AUTS2: variants seen among roughly 807,000 people sequenced by gnomAD.
AUTS2 encodes the protein activator of transcription and developmental regulator AUTS2, also known as autism susceptibility gene 2 protein.
Under a neutral mutation model 112.4 loss-of-function variants are expected in AUTS2, and 17 were observed. The ratio of observed to expected loss-of-function variants is 0.15; its 90% confidence interval spans 0.10 to 0.23. AUTS2 has a LOEUF of 0.23. AUTS2 is among the 10% of genes least tolerant of loss of function. The pLI is 1.00. For synonymous variants in AUTS2, 751 were observed against 702.7 expected (o/e 1.07, Z -1.09); for missense variants, 1,510 against 1,701.6 (o/e 0.89, Z 1.98).
At chr7:70,767,390 G>GAATT (rs1790010352) in intron 9 of AUTS2, among the ~76,000 whole-genome samples, 1 of 152,134 alleles carries the variant, frequency 6.6e-6, no homozygotes, top group Non-Finnish European at 1.5e-5. Flanking sequence ...TTTTTTGGAT[G>GAATT]AATTATACTT....
chr7:70,456,941 C>T (rs962596846), intron 5 of AUTS2, among the ~76,000 whole-genome samples: 1 of 152,208 alleles, frequency 6.6e-6, no homozygotes, highest in Admixed American at 6.5e-5. Flanking sequence ...TTTGGGGCAG[C>T]GGCTGCCGGA....
intron 4 of AUTS2, among the ~76,000 whole-genome samples, chr7:70,277,129 T>C (rs1184050884): frequency 6.6e-6 from 1 of 152,216 alleles, no homozygotes; most frequent in Non-Finnish European, 1.5e-5. Flanking sequence ...AGTTTGTATT[T>C]GGAGTTTGAT....
At position 70,211,604 on chromosome 7, in the gene AUTS2, G is replaced by A. The variant is rs561454202; in HGVS notation, c.660+77033G>A. On this transcript the variant is annotated intron_variant, in intron 4 of 18. Coordinates refer to ENST00000342771, the MANE Select transcript of AUTS2 (RefSeq NM_015570.4). ...GCGGAGGTTGCAGTGAGCCGAGATC[G>A]CGCCACTGCACTCCAGCCTGGGTGA... Among the ~76,000 whole-genome samples the A allele has an allele frequency of 7.5e-4, 108 of 144,406 alleles. No individual in the cohort carries two copies. The Middle Eastern group carries it at 0.018, about 24-fold the overall frequency. 94.7% of individuals were successfully genotyped at this position (144,406 alleles called of 152,430 possible). A position where few individuals can be genotyped will look rare whatever the true frequency, so the allele number is the denominator to read the frequency against.
intron 5 of AUTS2, among the ~76,000 whole-genome samples, chr7:70,619,038 C>T (rs1247417851): frequency 6.6e-6 from 1 of 152,098 alleles, no homozygotes; most frequent in Non-Finnish European, 1.5e-5. Flanking sequence ...TTGGGACACA[C>T]CCTGTTTTCA....
chr7:70,307,332 G>C (rs971918651), intron 4 of AUTS2, among the ~76,000 whole-genome samples: 1 of 152,190 alleles, frequency 6.6e-6, no homozygotes, highest in African/African-American at 2.4e-5. Context: ...CACCTGAAGT[G>C]CAAGCATCCA....
chr7:70,676,521 G>C (rs1427371008), intron 5 of AUTS2, among the ~76,000 whole-genome samples: 1 of 152,196 alleles, frequency 6.6e-6, no homozygotes, highest in Non-Finnish European at 1.5e-5. Flanking sequence ...CTGAGGGGTG[G>C]AGTGTCCTGT....
intron 6 of AUTS2, among the ~76,000 whole-genome samples, chr7:70,710,071 G>A (rs1809966414): frequency 6.6e-6 from 1 of 152,112 alleles, no homozygotes; most frequent in African/African-American, 2.4e-5. Flanking sequence ...CTGCTTGCCT[G>A]CATCTTGGGT....
intron 2 of AUTS2, among the ~76,000 whole-genome samples, chr7:70,112,050 A>G (rs1805114943): frequency 6.6e-6 from 1 of 151,524 alleles, no homozygotes; most frequent in Non-Finnish European, 1.5e-5. Context: ...TTTTTTGTTC[A>G]TTTCAATCTT....
chr7:69,764,222 A>G (rs1188738411), intron 1 of AUTS2, among the ~76,000 whole-genome samples: 1 of 152,172 alleles, frequency 6.6e-6, no homozygotes, highest in African/African-American at 2.4e-5. Flanking sequence ...GGCCAGGTGA[A>G]TACTGGACAG....
intron 4 of AUTS2, among the ~76,000 whole-genome samples, chr7:70,238,201 C>T (rs769648390): frequency 2.0e-5 from 3 of 152,264 alleles, no homozygotes; most frequent in East Asian, 1.9e-4. Context: ...TCGAGTGCTG[C>T]TTGCTGTCTT....
intron 2 of AUTS2, among the ~76,000 whole-genome samples, chr7:70,099,055 T>C (rs17141191): frequency 0.08 from 12,160 of 152,162 alleles, 625 homozygotes; most frequent in African/African-American, 0.13. Flanking sequence ...TGTCATACAT[T>C]GTTGGTCCTT....
intron 5 of AUTS2, among the ~76,000 whole-genome samples, chr7:70,484,133 C>T (rs1797894423): frequency 6.6e-6 from 1 of 152,220 alleles, no homozygotes; most frequent in African/African-American, 2.4e-5. Flanking sequence ...TTATTAATTT[C>T]ATTTTAGAAG....
intron 2 of AUTS2, among the ~76,000 whole-genome samples, chr7:70,060,953 T>G (rs1030819277): frequency 2.0e-5 from 3 of 152,200 alleles, no homozygotes; most frequent in African/African-American, 7.2e-5. Flanking sequence ...ACCAGCTTTT[T>G]CTGTTTCTCT....
intron 1 of AUTS2, among the ~76,000 whole-genome samples, chr7:69,617,702 C>T (rs909398131): frequency 6.6e-6 from 1 of 152,152 alleles, no homozygotes; most frequent in South Asian, 2.1e-4. Context: ...CTGGAGCTCA[C>T]GTTATATTCT....
rs61590771 is a variant in AUTS2 at position 70,632,996 on chromosome 7, GAA to G, written c.691-65564_691-65563del. 5.5e-3 allele frequency among the ~76,000 whole-genome samples: 822 copies of G among 149,640 alleles called. 9 individuals are homozygous for G. Among genetic ancestry groups the G allele is most frequent in the African/African-American group, 0.019 (790 of 41,016 alleles). Reference sequence around the variant, plus strand: ...TAGGCAAAGCCCTCTACCTTGGGGGGAAAAAAAAAAGTTGGTCTGGAGGATAA... The same window carrying G: ...TAGGCAAAGCCCTCTACCTTGGGGGGAAAAAAAAGTTGGTCTGGAGGATAA... On this transcript the variant is annotated intron_variant, in intron 5 of 18. Transcript: ENST00000342771.
At chr7:70,245,248 C>CA in intron 4 of AUTS2, among the ~76,000 whole-genome samples, 1 of 151,020 alleles carries the variant, frequency 6.6e-6, no homozygotes, top group East Asian at 1.9e-4. Context: ...AAGCTCTTGA[C>CA]AGAGTAACTT....
Position 70,516,271 on chromosome 7 carries a change from C to G in AUTS2, c.690+80490C>G, listed in dbSNP as rs1028484792. Among the ~76,000 whole-genome samples, 6 of 151,944 alleles carry G rather than the reference C, an allele frequency of 3.9e-5. No homozygotes were observed. In the East Asian group the frequency reaches 5.8e-4, roughly 15 times the overall value. On this transcript the variant is annotated intron_variant, in intron 5 of 18. Coordinates refer to ENST00000342771, the MANE Select transcript of AUTS2 (RefSeq NM_015570.4). ...AGTCTCTGCAGATAGAAGCTGCCCC[C>G]CTCCTCCTTCCACACACCCGCACCT...
Position 69,706,498 on chromosome 7 carries a change from A to T in AUTS2, c.309+106536A>T, listed in dbSNP as rs181982815. On this transcript the variant is annotated intron_variant, in intron 1 of 18. Coordinates refer to ENST00000342771, the MANE Select transcript of AUTS2 (RefSeq NM_015570.4). ...CCTAGGGTAGAGGCCAGGATAGTTG[A>T]GTTTTGGACGCTCTGCCTTGGCTAA... 8.5e-5 allele frequency among the ~76,000 whole-genome samples: 13 copies of T among 152,260 alleles called. No individual in the cohort carries two copies. In the East Asian group the frequency reaches 2.5e-3, roughly 29 times the overall value.
At chr7:70,385,257 G>C (rs192213078) in intron 4 of AUTS2, among the ~76,000 whole-genome samples, 2 of 152,284 alleles carry the variant, frequency 1.3e-5, no homozygotes, top group Admixed American at 1.3e-4. Flanking sequence ...AGTTTCATGG[G>C]AGACACAGAA....
Sources: allele counts gnomAD v4.1 joint callset (sites outside exome capture counted in the v4.1 genomes callset), GRCh38; gene constraint gnomAD v4.1.1; transcripts MANE v1.5; gene names NCBI Gene and HGNC (gene_info 2026-07-23, HGNC 2026-07-21).